Variants in COL25A1 observed in about 807,000 individuals in gnomAD.
COL25A1 encodes the protein collagen alpha-1(XXV) chain.
Under a neutral mutation model 128.4 loss-of-function variants are expected in COL25A1, and 103 were observed. The ratio of observed to expected loss-of-function variants is 0.80; its 90% CI spans 0.68 to 0.94. COL25A1 has a LOEUF of 0.94. COL25A1 is among the 40% of genes least tolerant of loss of function. The pLI is 0.00. For synonymous variants in COL25A1, 279 were observed against 277.2 expected, an observed-to-expected ratio of 1.01 and a Z score of -0.06; for missense variants, 745 against 840.0, an observed-to-expected ratio of 0.89 and a Z score of 1.40.
chr4:109,067,616 T>C (rs922695068), intron 3 of COL25A1, among the ~76,000 whole-genome samples: 2 of 152,214 alleles, frequency 1.3e-5, no homozygotes, highest in African/African-American at 4.8e-5. Context: ...CAGAAGAATA[T>C]ATTCTCCATC....
intron 3 of COL25A1, among the ~76,000 whole-genome samples, chr4:109,220,282 G>A (rs1415471611): frequency 1.3e-5 from 2 of 152,202 alleles, no homozygotes; most frequent in Non-Finnish European, 2.9e-5. Context: ...TTCAGTGAAC[G>A]CATATTTCTG....
chr4:109,131,797 A>G (rs887126212), intron 3 of COL25A1, among the ~76,000 whole-genome samples: 1 of 152,196 alleles, frequency 6.6e-6, no homozygotes, highest in African/African-American at 2.4e-5. Flanking sequence ...GTGCCCCTGA[A>G]CAGTGGCAGT....
chr4:109,170,451 CT>C (rs1773481285), intron 3 of COL25A1, among the ~76,000 whole-genome samples: 1 of 152,062 alleles, frequency 6.6e-6, no homozygotes, highest in Non-Finnish European at 1.5e-5. Context: ...TCAGTGTGAA[CT>C]CTTACTGTCT....
chr4:109,261,202 G>T (rs1781421793), intron 3 of COL25A1, among the ~76,000 whole-genome samples: 1 of 152,062 alleles, frequency 6.6e-6, no homozygotes, highest in Admixed American at 6.6e-5. Flanking sequence ...TGATAATTAT[G>T]TACTTAATTG....
rs1748081442 is a variant in COL25A1, at chr4:108,941,433, A to C, written c.497T>G (p.Val166Gly). ...AAACCCATGATTGATTTTAGGAAACACCATCTGATCAGTCAGTTGAGGTCA... is the reference window on the plus strand; with the variant it reads ...AAACCCATGATTGATTTTAGGAAACCCCATCTGATCAGTCAGTTGAGGTCA... ...GEQGDQGPRM[V>G]FPKINHGFLS... The change falls in exon 9 of 38, where the codon GTG becomes GGG. Residue 166 changes from valine to glycine, a missense_variant. Around this residue, in one of 3 missense-constraint regions of COL25A1, gnomAD observed 319 missense variants for 324.9 expected, o/e 0.98. Coordinates refer to ENST00000399132, the MANE Select transcript of COL25A1 (RefSeq NM_198721.4). The C allele has an allele frequency of 6.2e-7, 1 of 1,613,572 alleles. No homozygotes were observed. Among genetic ancestry groups the C allele is most frequent in the Non-Finnish European group, 8.5e-7 (1 of 1,179,596 alleles).
At chr4:109,012,835 A>C (rs3096499) in intron 5 of COL25A1, among the ~76,000 whole-genome samples, 77,719 of 152,130 alleles carry the variant, frequency 0.51, 22,596 homozygotes, top group African/African-American at 0.78. Context: ...TCCCATCGAC[A>C]GCCCAAGGGC....
At chr4:109,282,493 C>T (rs1291705283) in intron 3 of COL25A1, among the ~76,000 whole-genome samples, 1 of 152,118 alleles carries the variant, frequency 6.6e-6, no homozygotes, top group African/African-American at 2.4e-5. Context: ...CAAAACATCA[C>T]TGATTTGTGG....
chr4:108,824,072 A>G (rs759862045), intron 35 of COL25A1, 102 bp downstream of exon 35: 8 of 1,613,456 alleles, frequency 5.0e-6, no homozygotes, highest in Non-Finnish European at 6.8e-6. Context: ...GGAGCACAGG[A>G]TGGAGAAAGA....
chr4:109,173,653 A>G (rs2126134607), intron 3 of COL25A1, among the ~76,000 whole-genome samples: 1 of 152,340 alleles, frequency 6.6e-6, no homozygotes, highest in African/African-American at 2.4e-5. Flanking sequence ...ATTTAATTAC[A>G]GAAATTCTCA....
intron 3 of COL25A1, among the ~76,000 whole-genome samples, chr4:109,050,566 T>G (rs904552537): frequency 6.6e-6 from 1 of 152,190 alleles, no homozygotes; most frequent in Non-Finnish European, 1.5e-5. Flanking sequence ...TTAAAAGTAC[T>G]AAGTCCAAAT....
chr4:108,919,489 C>T (rs1210026490), intron 12 of COL25A1, among the ~76,000 whole-genome samples: 1 of 152,202 alleles, frequency 6.6e-6, no homozygotes, highest in Non-Finnish European at 1.5e-5. Flanking sequence ...ACAGATGCCA[C>T]ATGCCCAGTG....
intron 3 of COL25A1, among the ~76,000 whole-genome samples, chr4:109,085,841 G>A (rs185226464): frequency 6.6e-6 from 1 of 152,130 alleles, no homozygotes; most frequent in Non-Finnish European, 1.5e-5. Flanking sequence ...ATAAATATTT[G>A]TTAAAAGAAT....
intron 3 of COL25A1, among the ~76,000 whole-genome samples, chr4:109,162,507 C>T (rs1772672813): frequency 6.6e-6 from 1 of 152,154 alleles, no homozygotes; most frequent in Non-Finnish European, 1.5e-5. Flanking sequence ...CAGTGTGACT[C>T]CCTAAAATCA....
At chr4:109,087,008 T>G (rs563321934) in intron 3 of COL25A1, among the ~76,000 whole-genome samples, 2 of 152,294 alleles carry the variant, frequency 1.3e-5, no homozygotes, top group East Asian at 3.9e-4. Context: ...AATGGGACAC[T>G]TGCTGTCACC....
intron 3 of COL25A1, among the ~76,000 whole-genome samples, chr4:109,170,837 G>A (rs1015073276): frequency 2.0e-5 from 3 of 152,038 alleles, no homozygotes; most frequent in African/African-American, 7.2e-5. Flanking sequence ...TATGACATGG[G>A]ATAGCTCCTG....
At chr4:109,127,603 C>T (rs1579450884) in intron 3 of COL25A1, among the ~76,000 whole-genome samples, 1 of 152,146 alleles carries the variant, frequency 6.6e-6, no homozygotes, top group East Asian at 1.9e-4. Context: ...GCTAGGATTA[C>T]AAGTGTGAGC....
At chr4:109,239,416 ATATATATTTATTTATT>A (rs1560914852) in intron 3 of COL25A1, among the ~76,000 whole-genome samples, 1 of 135,658 alleles carries the variant, frequency 7.4e-6, no homozygotes, top group African/African-American at 2.8e-5. Flanking sequence ...ATATATATAT[ATATATATTTATTTATT>A]TATTTATTTA....
intron 3 of COL25A1, among the ~76,000 whole-genome samples, chr4:109,295,496 T>C (rs1191974647): frequency 1.3e-5 from 2 of 152,224 alleles, no homozygotes; most frequent in South Asian, 2.1e-4. Flanking sequence ...TTTCTGACTA[T>C]GCTTTACCTT....
chr4:109,000,409 T>G (rs1157285269), intron 6 of COL25A1, among the ~76,000 whole-genome samples: 2 of 152,174 alleles, frequency 1.3e-5, no homozygotes, highest in Non-Finnish European at 2.9e-5. Context: ...TTATGTAATC[T>G]GTCTGACCAA....
Sources: allele counts gnomAD v4.1 joint callset (sites outside exome capture counted in the v4.1 genomes callset), GRCh38; gene constraint gnomAD v4.1.1; regional missense constraint gnomAD v4.1.1; transcripts MANE v1.5; gene names NCBI Gene and HGNC (gene_info 2026-07-23, HGNC 2026-07-21).